Variants in ATP10B observed in about 807,000 individuals in gnomAD.
ATP10B encodes the protein phospholipid-transporting ATPase VB.
ATP10B carries 122 observed loss-of-function variants against 141.2 expected under a neutral mutation model. The ratio of observed to expected loss-of-function variants is 0.86; its 90% CI spans 0.75 to 1.00. ATP10B has a LOEUF of 1.00. Ranked by LOEUF, ATP10B falls within the 50% of genes least tolerant of loss-of-function variation. The pLI, the probability that ATP10B is intolerant of heterozygous loss-of-function variation, is 0.00. For missense variants in ATP10B, 1,876 were observed against 1,825.3 expected, an observed-to-expected ratio of 1.03 and a Z score of -0.51; for synonymous variants, 685 against 692.0, an observed-to-expected ratio of 0.99 and a Z score of 0.16.
Position 160,615,916 on chromosome 5 carries a change from C to A in ATP10B, c.2575G>T (p.Ala859Ser). 1 of 1,613,794 alleles carries A rather than the reference C, an allele frequency of 6.2e-7. No homozygotes were observed. The highest frequency in any genetic ancestry group is 8.5e-7 in the Non-Finnish European group (1 of 1,179,830). The change falls in exon 17 of 26, where the codon GCT becomes TCT. Residue 859 changes from alanine (A) to serine (S), a missense_variant. Physicochemically the swap from Ala to Ser is moderately conservative, Grantham distance 99. Coordinates refer to ENST00000327245, the MANE Select transcript of ATP10B (RefSeq NM_025153.3). Reference protein sequence around the residue: ...FRRWASFRREAEASLDNRDEL... With the variant: ...FRRWASFRRESEASLDNRDEL... ...TCTCGGTTGTCGAGGGATGCCTCAG[C>A]CTCACGCCGGAAACTGGCCCATCTC...
At chr5:160,569,872 C>T (rs144115339) in intron 24 of ATP10B, among the ~76,000 whole-genome samples, 189 bp from the exon 25 acceptor site, 102 of 152,304 alleles carry the variant, frequency 6.7e-4, no homozygotes, top group African/African-American at 2.4e-3. Flanking sequence ...GAATTGAACA[C>T]ACATACCCCA....
chr5:160,785,365 A>G lies in ATP10B; in HGVS notation c.-331+194T>C, dbSNP rs564317243. ...TTAAACCATTTACTTGGCATCTGAC[A>G]TACCAGATCAGCTGACGTTTATTTT... On this transcript the variant is annotated intron_variant, in intron 2 of 25. Coordinates refer to ENST00000327245, the MANE Select transcript of ATP10B (RefSeq NM_025153.3). Among the ~76,000 whole-genome samples the G allele has an allele frequency of 1.4e-4, 21 of 152,296 alleles. No individual in the cohort carries two copies. The South Asian group carries it at 4.1e-3, about 30-fold the overall frequency.
chr5:160,817,982 T>G (rs1361077543), intron 1 of ATP10B, among the ~76,000 whole-genome samples: 6 of 152,200 alleles, frequency 3.9e-5, no homozygotes, highest in Admixed American at 3.9e-4. Context: ...TCCTTACACC[T>G]TATACAAAAA....
intron 2 of ATP10B, among the ~76,000 whole-genome samples, chr5:160,730,035 C>G (rs1378209778): frequency 6.6e-6 from 1 of 152,130 alleles, no homozygotes; most frequent in Admixed American, 6.5e-5. Flanking sequence ...ATATAAAAGC[C>G]CACAGTGTGC....
intron 6 of ATP10B, among the ~76,000 whole-genome samples, chr5:160,675,457 G>T (rs892626375): frequency 2.0e-5 from 3 of 152,202 alleles, no homozygotes; most frequent in Non-Finnish European, 4.4e-5. Flanking sequence ...TGCCATGGGG[G>T]AGCAGGTGAA....
chr5:160,582,181 A>G (rs1755594728), intron 24 of ATP10B, among the ~76,000 whole-genome samples: 1 of 152,248 alleles, frequency 6.6e-6, no homozygotes, highest in East Asian at 1.9e-4. Flanking sequence ...TGTGAATTTG[A>G]TCCTGTCATG....
At chr5:160,662,630 T>C (rs1762019565) in intron 7 of ATP10B, among the ~76,000 whole-genome samples, 1 of 152,204 alleles carries the variant, frequency 6.6e-6, no homozygotes, top group Non-Finnish European at 1.5e-5. Context: ...CCTTACACCT[T>C]ATACAAAAAT....
intron 3 of ATP10B, 62 bp from the exon 4 acceptor site, chr5:160,689,005 C>T (rs919852920): frequency 2.1e-5 from 19 of 913,130 alleles, no homozygotes; most frequent in African/African-American, 1.6e-4. Flanking sequence ...TGCTGCTTTA[C>T]AGCACATCAA....
chr5:160,701,866 C>G (rs144593999), intron 3 of ATP10B, among the ~76,000 whole-genome samples: 2,151 of 151,770 alleles, frequency 0.014, 21 homozygotes, highest in Admixed American at 0.031. Context: ...GCAGTTACCC[C>G]TCTGCCCCAG....
At chr5:160,825,528 C>G (rs531261485) in intron 1 of ATP10B, among the ~76,000 whole-genome samples, 1 of 152,314 alleles carries the variant, frequency 6.6e-6, no homozygotes, top group East Asian at 1.9e-4. Flanking sequence ...AAAACTCTTT[C>G]TTTTGTAAAT....
In ATP10B at chr5:160,620,576, G is replaced by A. The variant is rs761911543; in HGVS notation, c.2187C>T (p.His729=). ...AESPDEAALV[H]AAHAYSFTLV... is the part of the protein sequence containing the mutation. ...GTGTGAAGCTGTAGGCATGGGCAGC[G>A]TGCACCAGGGCGGCCTCATCAGGGC... Residue 729 remains histidine, a synonymous_variant, in exon 15 of 26, where the codon CAC becomes CAT. Transcript: ENST00000327245. 38 of 1,613,726 alleles carry A rather than the reference G, an allele frequency of 2.4e-5. No individual in the cohort carries two copies. Among genetic ancestry groups the A allele is most frequent in the Middle Eastern group, 1.6e-4 (1 of 6,082 alleles).
intron 1 of ATP10B, among the ~76,000 whole-genome samples, chr5:160,813,218 G>A (rs975794131): frequency 6.6e-6 from 1 of 152,228 alleles, no homozygotes; most frequent in Non-Finnish European, 1.5e-5. Context: ...AGGGGTCAGG[G>A]AATTCCCTTT....
intron 8 of ATP10B, among the ~76,000 whole-genome samples, chr5:160,645,071 T>G (rs1179933790): frequency 6.7e-6 from 1 of 149,706 alleles, no homozygotes; most frequent in Non-Finnish European, 1.5e-5. Flanking sequence ...GAGCCAAGAT[T>G]GCTCCTTTGC....
the ATP10B span, among the ~76,000 whole-genome samples, chr5:160,858,109 C>T: frequency 4.6e-5 from 7 of 151,538 alleles, no homozygotes; most frequent in Non-Finnish European, 5.9e-5. Context: ...ATTTTTCCTC[C>T]TTTCAGTCAT....
At chr5:160,873,130 T>G in the ATP10B span, among the ~76,000 whole-genome samples, 1 of 151,804 alleles carries the variant, frequency 6.6e-6, no homozygotes, top group Non-Finnish European at 1.5e-5. Context: ...TTTGTTTTTT[T>G]TTTTTCAGCT....
Position 160,634,338 on chromosome 5 carries a change from T to C in ATP10B, c.1381+16A>G. 1 of 1,614,144 alleles carries C rather than the reference T, an allele frequency of 6.2e-7. No individual in the cohort carries two copies. The highest frequency in any genetic ancestry group is 8.5e-7 in the Non-Finnish European group (1 of 1,180,030). On this transcript the variant is annotated intron_variant, in intron 12 of 25. Coordinates refer to ENST00000327245, the MANE Select transcript of ATP10B (RefSeq NM_025153.3). ...CCTTTTAGAAAGAGGGATGGAGCCCTTGGGAGCTTCTATACCATTTTCTTG... is the reference window on the plus strand; with the variant it reads ...CCTTTTAGAAAGAGGGATGGAGCCCCTGGGAGCTTCTATACCATTTTCTTG...
At chr5:160,725,342 TG>T (rs1766264297) in intron 2 of ATP10B, among the ~76,000 whole-genome samples, 1 of 152,212 alleles carries the variant, frequency 6.6e-6, no homozygotes, top group Non-Finnish European at 1.5e-5. Flanking sequence ...GTCTGTGACT[TG>T]GGGAAAACTA....
At chr5:160,820,660 A>C (rs1774032547) in intron 1 of ATP10B, among the ~76,000 whole-genome samples, 1 of 152,110 alleles carries the variant, frequency 6.6e-6, no homozygotes, top group Non-Finnish European at 1.5e-5. Context: ...TTAGCAAACC[A>C]AATTAAACAA....
At chr5:160,724,106 A>C (rs1459964045) in intron 2 of ATP10B, among the ~76,000 whole-genome samples, 1 of 152,158 alleles carries the variant, frequency 6.6e-6, no homozygotes, top group Admixed American at 6.5e-5. Context: ...GGGGAAGAAC[A>C]TACACTGGGG....
Sources: gnomAD v4.1 joint callset for allele counts (sites outside exome capture counted in the v4.1 genomes callset) on GRCh38, gnomAD v4.1.1 for gene constraint, MANE v1.5 for transcripts, NCBI Gene and HGNC (gene_info 2026-07-23, HGNC 2026-07-21) for gene names.